Variants in ADGRV1 observed in about 807,000 individuals in gnomAD.
ADGRV1 encodes the protein adhesion G protein-coupled receptor V1, also known as G-protein coupled receptor 98.
ADGRV1 carries 359 observed loss-of-function variants against 596.2 expected under a neutral mutation model. The ratio of observed to expected loss-of-function variants is 0.60; its 90% CI spans 0.55 to 0.66. The LOEUF is 0.66. Among genes scored for constraint, ADGRV1 ranks in the 30% least tolerant of loss-of-function variants. The probability of loss-of-function intolerance (pLI) is 0.00; values close to 1 mark genes in which losing one functional copy is unlikely to be tolerated. For synonymous variants in ADGRV1, 2,681 were observed against 2,679.2 expected (o/e 1.00, Z -0.02); for missense variants, 7,274 against 7,575.6 (o/e 0.96, Z 1.48).
At chr5:90,843,574 T>C (rs901114951) in intron 78 of ADGRV1, among the ~76,000 whole-genome samples, 1 of 152,180 alleles carries the variant, frequency 6.6e-6, no homozygotes, top group African/African-American at 2.4e-5. Context: ...CGTGGATCAG[T>C]CATTTCATCG....
chr5:90,974,137 T>TA (rs1312657129), intron 84 of ADGRV1, among the ~76,000 whole-genome samples: 1 of 152,054 alleles, frequency 6.6e-6, no homozygotes, highest in African/African-American at 2.4e-5. Flanking sequence ...GAATCCAACT[T>TA]ACAAGGGACG....
Position 91,104,519 on chromosome 5 carries a change from A to G in ADGRV1, c.18432+2179A>G, listed in dbSNP as rs74676476. ...GTCATCCTGTAGTGCTATAGAACAC[A>G]AGAACTTACTTCTTCTATCTAGCTG... On this transcript the variant is annotated intron_variant, in intron 87 of 89. Transcript: ENST00000405460. Among the ~76,000 whole-genome samples the G allele has an allele frequency of 6.3e-3, 965 of 152,324 alleles. 9 individuals carry two copies. The highest frequency in any genetic ancestry group is 0.022 in the African/African-American group (906 of 41,572).
rs773245441 is a variant in ADGRV1, at chr5:90,693,890, C to T, written c.7134C>T (p.Ser2378=). Residue 2378 remains serine, a splice_region_variant and synonymous_variant, in exon 33 of 90, where the codon AGC becomes AGT. Coordinates refer to ENST00000405460, the MANE Select transcript of ADGRV1 (RefSeq NM_032119.4). The stretch of plus-strand genomic sequence containing the variant: ...TTTTAATTGTCACTCCACATTTTAG[C>T]GGAGGGCACTTTGGTCGGCTGTTGT... ...SSCANITVRR[S]GGHFGRLLLF... The T allele has an allele frequency of 7.2e-6, 11 of 1,537,774 alleles. No homozygotes were observed. Among genetic ancestry groups the T allele is most frequent in the South Asian group, 3.9e-5 (3 of 77,230 alleles).
intron 78 of ADGRV1, among the ~76,000 whole-genome samples, chr5:90,846,165 T>C (rs532562243): frequency 6.6e-6 from 1 of 152,256 alleles, no homozygotes; most frequent in African/African-American, 2.4e-5. Context: ...ACTGATAAAG[T>C]TACATGTAAG....
At chr5:90,663,528 G>C (rs1338150125) in intron 21 of ADGRV1, among the ~76,000 whole-genome samples, 2 of 151,730 alleles carry the variant, frequency 1.3e-5, no homozygotes, top group Non-Finnish European at 2.9e-5. Context: ...TGTCAGATGA[G>C]TAGGTTGCGA....
At chr5:90,571,010 T>C (rs2151955350) in intron 1 of ADGRV1, among the ~76,000 whole-genome samples, 1 of 152,264 alleles carries the variant, frequency 6.6e-6, no homozygotes, top group African/African-American at 2.4e-5. Context: ...GTATTTTTCT[T>C]TTTTAAGAAA....
chr5:90,612,309 CATA>C (rs1391133120), intron 1 of ADGRV1, among the ~76,000 whole-genome samples: 3 of 151,948 alleles, frequency 2.0e-5, no homozygotes, highest in African/African-American at 7.2e-5. Context: ...TTAGGAGATT[CATA>C]ATTATGCAAT....
At position 90,840,952 on chromosome 5, in the gene ADGRV1, A is replaced by G. The variant is rs953591858; in HGVS notation, c.16986A>G (p.Glu5662=). The change falls in exon 78 of 90, where the codon GAA becomes GAG. Residue 5662 remains glutamate (E), a synonymous_variant. Coordinates refer to ENST00000405460, the MANE Select transcript of ADGRV1 (RefSeq NM_032119.4). The part of the protein sequence containing the change: ...SMKVATENTD[E]QLSAMMHLIE... ...AAGTGGCCACAGAAAACACAGATGA[A>G]CAACTCAGTGCCATGATGCATTTAA... is the stretch of plus-strand genomic sequence containing the variant. The G allele has an allele frequency of 1.1e-5, 17 of 1,486,730 alleles. No individual in the cohort carries two copies. In the African/African-American group the frequency reaches 1.5e-4, roughly 13 times the overall value. The allele number at this position is 1,486,730 out of a possible 1,614,324, so 92.1% of individuals were successfully genotyped here.
intron 20 of ADGRV1, among the ~76,000 whole-genome samples, chr5:90,656,625 C>T (rs908031493): frequency 1.3e-5 from 2 of 152,128 alleles, no homozygotes; most frequent in Admixed American, 6.5e-5. Context: ...TCTCTGTAGT[C>T]GGTATGGGAG....
At chr5:91,155,326 G>T (rs1388601093) in intron 89 of ADGRV1, among the ~76,000 whole-genome samples, 1 of 152,192 alleles carries the variant, frequency 6.6e-6, no homozygotes, top group East Asian at 1.9e-4. Context: ...ATTAGCAGGA[G>T]CCCAGAGGCT....
chr5:91,112,569 G>C lies in ADGRV1; in HGVS notation c.18432+10229G>C, dbSNP rs114307114. ...GCAAAGCAAATGACATTTGGGACTC[G>C]TTTTTACCTGGTCATTCAGATTCTT... is the stretch of plus-strand genomic sequence containing the variant. On this transcript the variant is annotated intron_variant, in intron 87 of 89. Coordinates refer to ENST00000405460, the MANE Select transcript of ADGRV1 (RefSeq NM_032119.4). Among the ~76,000 whole-genome samples the C allele has an allele frequency of 5.5e-3, 838 of 152,152 alleles. 1 individual carries two copies. The highest frequency in any genetic ancestry group is 9.4e-3 in the Non-Finnish European group (641 of 67,988).
chr5:90,576,563 G>A (rs541915145), intron 1 of ADGRV1, among the ~76,000 whole-genome samples: 13 of 152,168 alleles, frequency 8.5e-5, no homozygotes, highest in African/African-American at 2.2e-4. Context: ...GAATAGTGCC[G>A]CAACAAAAAT....
Position 90,753,834 on chromosome 5 carries a change from A to G in ADGRV1, c.11377+5A>G. On this transcript the variant is annotated splice_donor_5th_base_variant and intron_variant, in intron 54 of 89. Transcript: ENST00000405460. ...TTAGAGTAGCAGAGCCTAAAGGTAA[A>G]TATTGTTAAATATCTTTCAAGTTTT... 2 of 1,572,346 alleles carry G rather than the reference A, an allele frequency of 1.3e-6. No homozygotes were observed. Among genetic ancestry groups the G allele is most frequent in the Non-Finnish European group, 1.7e-6 (2 of 1,156,882 alleles).
intron 75 of ADGRV1, among the ~76,000 whole-genome samples, chr5:90,816,732 G>C (rs1161801335): frequency 2.0e-5 from 3 of 151,832 alleles, no homozygotes; most frequent in African/African-American, 7.3e-5. Context: ...CCCTACAAAG[G>C]ACATGAACTC....
intron 60 of ADGRV1, among the ~76,000 whole-genome samples, chr5:90,774,781 T>C (rs1758049605): frequency 6.6e-6 from 1 of 152,206 alleles, no homozygotes. Flanking sequence ...TGTTTTGTCA[T>C]GTGCATGTCT....
chr5:90,971,115 A>G (rs938607489), intron 84 of ADGRV1, among the ~76,000 whole-genome samples: 2 of 152,230 alleles, frequency 1.3e-5, no homozygotes, highest in African/African-American at 2.4e-5. Context: ...GTGATGGAAG[A>G]TGAAATGAAT....
chr5:91,038,583 G>A (rs989927839), intron 85 of ADGRV1, among the ~76,000 whole-genome samples: 14 of 152,184 alleles, frequency 9.2e-5, no homozygotes, highest in African/African-American at 2.7e-4. Context: ...AAAGAAGGTC[G>A]TGGATGATTC....
chr5:90,783,045 T>G, intron 65 of ADGRV1, 79 bp from the exon 66 acceptor site: 1 of 1,119,676 alleles, frequency 8.9e-7, no homozygotes, highest in South Asian at 1.3e-5. Context: ...TATGTTTAAT[T>G]GCCAGGTTTA....
intron 87 of ADGRV1, among the ~76,000 whole-genome samples, chr5:91,130,788 C>T (rs922136930): frequency 6.6e-6 from 1 of 152,180 alleles, no homozygotes; most frequent in Non-Finnish European, 1.5e-5. Context: ...CATCCTTCCC[C>T]CTTTTGGGAT....
Sources: gnomAD v4.1 joint callset for allele counts (sites outside exome capture counted in the v4.1 genomes callset) on GRCh38, gnomAD v4.1.1 for gene constraint, MANE v1.5 for transcripts, NCBI Gene and HGNC (gene_info 2026-07-23, HGNC 2026-07-21) for gene names.